Variants in EXPH5 observed in about 807,000 individuals in gnomAD.
The protein encoded by EXPH5 is exophilin 5.
A neutral mutation model predicts 41.1 loss-of-function variants in EXPH5; 42 were observed. The ratio of observed to expected loss-of-function variants is 1.02; its 90% CI spans 0.80 to 1.32. The LOEUF is 1.32. Among genes scored for constraint, EXPH5 ranks in the 40% most tolerant of loss-of-function variants. EXPH5 has a pLI of 0.00. For synonymous variants in EXPH5, 798 were observed against 833.5 expected, an observed-to-expected ratio of 0.96 and a Z score of 0.73; for missense variants, 2,298 against 2,314.5, an observed-to-expected ratio of 0.99 and a Z score of 0.15.
intron 1 of EXPH5, among the ~76,000 whole-genome samples, chr11:108,584,992 A>G (rs2094109233): frequency 6.6e-6 from 1 of 152,220 alleles, no homozygotes; most frequent in Non-Finnish European, 1.5e-5. Flanking sequence ...AATGTTTGCA[A>G]ACCTGGTGTT....
chr11:108,605,105 G>A, the EXPH5 span, among the ~76,000 whole-genome samples: 1 of 152,140 alleles, frequency 6.6e-6, no homozygotes, highest in South Asian at 2.1e-4. Flanking sequence ...TCTGGGACAA[G>A]AGTGTCAAAC....
chr11:108,587,677 G>A (rs942619265), intron 1 of EXPH5, among the ~76,000 whole-genome samples: 9 of 151,972 alleles, frequency 5.9e-5, no homozygotes, highest in African/African-American at 1.4e-4. Context: ...TTTTACCTTC[G>A]TAACGGACAT....
At chr11:108,605,410 T>C in the EXPH5 span, among the ~76,000 whole-genome samples, 5 of 152,194 alleles carry the variant, frequency 3.3e-5, no homozygotes, top group East Asian at 5.8e-4. Context: ...TTAGAACAGT[T>C]GTTCTCAACT....
intron 1 of EXPH5, among the ~76,000 whole-genome samples, chr11:108,556,257 G>T: frequency 6.6e-6 from 1 of 151,962 alleles, no homozygotes; most frequent in East Asian, 1.9e-4. Context: ...GTGTTGCCTG[G>T]GCCCTTTGCG....
intron 1 of EXPH5, among the ~76,000 whole-genome samples, chr11:108,577,404 AT>A (rs2094083368): frequency 6.6e-6 from 1 of 151,524 alleles, no homozygotes; most frequent in African/African-American, 2.4e-5. Context: ...ATTTTATTTT[AT>A]TTTATTTTAT....
chr11:108,548,897 T>C (rs1395580763), intron 1 of EXPH5, among the ~76,000 whole-genome samples: 1 of 152,206 alleles, frequency 6.6e-6, no homozygotes, highest in Non-Finnish European at 1.5e-5. Flanking sequence ...AAAGTGGAAG[T>C]GTGGTGACAA....
At chr11:108,584,834 T>G (rs940602060) in intron 1 of EXPH5, among the ~76,000 whole-genome samples, 3 of 152,208 alleles carry the variant, frequency 2.0e-5, no homozygotes, top group Non-Finnish European at 4.4e-5. Flanking sequence ...GTTTGTAATC[T>G]GGGCTGAGGC....
At chr11:108,557,025 T>C (rs1245850396) in intron 1 of EXPH5, among the ~76,000 whole-genome samples, 4 of 152,244 alleles carry the variant, frequency 2.6e-5, no homozygotes, top group Admixed American at 2.6e-4. Context: ...GCTTCAGACT[T>C]GTTCCCTCCA....
intron 3 of EXPH5, among the ~76,000 whole-genome samples, chr11:108,536,043 T>C (rs1027634919): frequency 1.3e-5 from 2 of 152,200 alleles, no homozygotes; most frequent in Non-Finnish European, 2.9e-5. Flanking sequence ...CAAACATGAC[T>C]TGCAGGAAGA....
At chr11:108,597,326 T>C (rs914019988), upstream of EXPH5, among the ~76,000 whole-genome samples, 1 of 152,182 alleles carries the variant, frequency 6.6e-6, no homozygotes, top group Non-Finnish European at 1.5e-5. Flanking sequence ...GCCTCCCAAT[T>C]AGGTGGGATT....
chr11:108,567,587 G>A (rs140623540), intron 1 of EXPH5, among the ~76,000 whole-genome samples: 9 of 152,126 alleles, frequency 5.9e-5, no homozygotes, highest in South Asian at 2.1e-4. Flanking sequence ...TACATTTCTT[G>A]GGTCCCATAC....
intron 1 of EXPH5, among the ~76,000 whole-genome samples, chr11:108,592,109 C>T (rs2094128871): frequency 6.6e-6 from 1 of 152,074 alleles, no homozygotes; most frequent in African/African-American, 2.4e-5. Context: ...ACATTATGCA[C>T]GTGGGTGTGT....
At chr11:108,584,313 T>TA (rs1465918433) in intron 1 of EXPH5, among the ~76,000 whole-genome samples, 1 of 151,910 alleles carries the variant, frequency 6.6e-6, no homozygotes, top group African/African-American at 2.4e-5. Context: ...TTGTCTCTAC[T>TA]AAAAATAAAA....
At chr11:108,515,996 C>T (rs909613870) in intron 5 of EXPH5, among the ~76,000 whole-genome samples, 1 of 143,574 alleles carries the variant, frequency 7.0e-6, no homozygotes, top group Non-Finnish European at 1.5e-5. Flanking sequence ...GGCGTGAACC[C>T]GGGAGGCAGA....
upstream of EXPH5, among the ~76,000 whole-genome samples, chr11:108,596,395 A>T (rs1181550219): frequency 6.6e-6 from 1 of 152,194 alleles, no homozygotes; most frequent in Non-Finnish European, 1.5e-5. Context: ...TAACTCATTA[A>T]AAAGGAGGAT....
intron 3 of EXPH5, among the ~76,000 whole-genome samples, chr11:108,528,695 C>CTTTT (rs58500316): frequency 1.9e-4 from 20 of 106,326 alleles, no homozygotes; most frequent in South Asian, 3.3e-4. Context: ...TTTTCTTTCC[C>CTTTT]TTTTTTTTTT....
chr11:108,572,822 G>A (rs916523346), intron 1 of EXPH5, among the ~76,000 whole-genome samples: 14 of 152,156 alleles, frequency 9.2e-5, no homozygotes, highest in African/African-American at 1.4e-4. Context: ...GCCTCCTAAA[G>A]TGCTGGGATG....
At position 108,527,158 on chromosome 11, in the gene EXPH5, A is replaced by G. The variant is rs923618251; in HGVS notation, c.492+978T>C. Among the ~76,000 whole-genome samples, 15 of 152,242 alleles carry G rather than the reference A, an allele frequency of 9.9e-5. No homozygotes were observed. In the South Asian group the frequency reaches 1.7e-3, roughly 17 times the overall value. ...AATATGGTGAAACCCTGTGTCTACT[A>G]AAAATATAAAAATTAGCTGGGTGTG... On this transcript the variant is annotated intron_variant, in intron 4 of 5. Coordinates refer to ENST00000265843, the MANE Select transcript of EXPH5 (RefSeq NM_015065.3).
In EXPH5 at chr11:108,512,858, T is replaced by A; in HGVS notation, c.2649A>T (p.Ala883=). 1 of 1,614,180 alleles carries A rather than the reference T, an allele frequency of 6.2e-7. No homozygotes were observed. The highest frequency in any genetic ancestry group is 1.1e-5 in the South Asian group (1 of 91,088). The part of the protein sequence containing the change: ...SCDSLDLSSA[A]LPDSSPSKNS... ...TCTTTGATGGTGAGGAATCTGGTAG[T>A]GCAGCTGATGACAGATCTAAAGAAT... The change falls in exon 6 of 6, where the codon GCA becomes GCT. Residue 883 remains alanine (A), a synonymous_variant. Transcript: ENST00000265843.
Sources: gnomAD v4.1 joint callset for allele counts (sites outside exome capture counted in the v4.1 genomes callset) on GRCh38, gnomAD v4.1.1 for gene constraint, MANE v1.5 for transcripts, NCBI Gene and HGNC (gene_info 2026-07-23, HGNC 2026-07-21) for gene names.